PKD2L2: variants seen among roughly 807,000 people sequenced by gnomAD.
PKD2L2 encodes the protein polycystin-2-like protein 2.
A neutral mutation model predicts 83.9 loss-of-function variants in PKD2L2; 67 were observed. That is an observed-to-expected ratio of 0.80 (90% CI 0.66 to 0.98). The LOEUF (loss-of-function observed/expected upper bound fraction) is 0.98, where lower values mean the gene tolerates loss of function less well. PKD2L2 is among the 50% of genes least tolerant of loss of function. PKD2L2 has a pLI of 0.00. For missense variants in PKD2L2, 632 were observed against 717.2 expected (o/e 0.88, Z 1.36); for synonymous variants, 223 against 237.8 (o/e 0.94, Z 0.57).
chr5:137,906,742 G>T (rs550318096), intron 6 of PKD2L2, among the ~76,000 whole-genome samples: 1 of 146,476 alleles, frequency 6.8e-6, no homozygotes, highest in Non-Finnish European at 1.5e-5. Flanking sequence ...TACTTACAGG[G>T]CCTTGAGTTT....
In PKD2L2 at chr5:137,925,937, T is replaced by C; in HGVS notation, c.1671+8T>C. ...GAAGGCTTTGACGAAAATGTAAGAT[T>C]TTAATTTTTTTCATAAACACTAGTG... is the stretch of plus-strand genomic sequence containing the variant. On this transcript the variant is annotated splice_region_variant and intron_variant, in intron 12 of 14. Coordinates refer to ENST00000508883, the MANE Select transcript of PKD2L2 (RefSeq NM_001300921.2). The C allele has an allele frequency of 6.4e-7, 1 of 1,558,108 alleles. No individual in the cohort carries two copies. Among genetic ancestry groups the C allele is most frequent in the Non-Finnish European group, 8.8e-7 (1 of 1,133,630 alleles).
chr5:137,898,236 G>A (rs1362687092), intron 4 of PKD2L2, among the ~76,000 whole-genome samples: 1 of 152,038 alleles, frequency 6.6e-6, no homozygotes, highest in Non-Finnish European at 1.5e-5. Context: ...CAAAGTGCTG[G>A]GATTACAGGC....
chr5:137,936,432 G>A lies in PKD2L2; in HGVS notation c.*17+5G>A, dbSNP rs1561712573. 5.2e-6 allele frequency: 8 copies of A among 1,527,262 alleles called. No individual in the cohort carries two copies. In the Admixed American group the frequency reaches 1.4e-4, roughly 27 times the overall value. 94.6% of individuals were successfully genotyped at this position (1,527,262 alleles called of 1,614,324 possible). A position where few individuals can be genotyped will look rare whatever the true frequency, so the allele number is the denominator to read the frequency against. ...ATAGTATTGAGACAAGTGGAGGTAA[G>A]AATCTGTGATGCAATCATTGAGCAT... On this transcript the variant is annotated splice_donor_5th_base_variant and intron_variant, in intron 14 of 14. Coordinates refer to ENST00000508883, the MANE Select transcript of PKD2L2 (RefSeq NM_001300921.2).
intron 8 of PKD2L2, among the ~76,000 whole-genome samples, chr5:137,915,492 A>G (rs1208872083): frequency 3.9e-3 from 533 of 135,956 alleles, no homozygotes; most frequent in East Asian, 3.9e-3. Context: ...GCACAATCTC[A>G]GCTCACTGCA....
intron 8 of PKD2L2, among the ~76,000 whole-genome samples, chr5:137,918,622 CTAA>C (rs758353593): frequency 2.0e-5 from 3 of 152,176 alleles, no homozygotes; most frequent in East Asian, 1.9e-4. Flanking sequence ...AGCCATGAGG[CTAA>C]TGAGTAGGGG....
At chr5:137,889,853 T>C (rs1376175103) in intron 1 of PKD2L2, 1 of 328,450 alleles carries the variant, frequency 3.0e-6, no homozygotes, top group Non-Finnish European at 5.5e-6. Flanking sequence ...CGAGGTGTTT[T>C]TCCCCTGTCC....
At chr5:137,902,251 G>A (rs1442445458) in intron 5 of PKD2L2, among the ~76,000 whole-genome samples, 1 of 151,960 alleles carries the variant, frequency 6.6e-6, no homozygotes, top group African/African-American at 2.4e-5. Context: ...CTAAAGCAAA[G>A]GGTTGAAGGA....
At position 137,899,622 on chromosome 5, in the gene PKD2L2, A is replaced by G. The variant is rs1483408246; in HGVS notation, c.631A>G (p.Thr211Ala). Reference protein sequence around the residue: ...IFTLSKSKSETKNKFIDLRLN... With the variant: ...IFTLSKSKSEAKNKFIDLRLN... The stretch of plus-strand genomic sequence containing the variant: ...CACTTTATCAAAATCGAAATCTGAA[A>G]CCAAAAACAAGTTCATTGACCTTCG... Residue 211 changes from threonine (T) to alanine (A), a missense_variant, in exon 5 of 15, where the codon ACC becomes GCC. By Grantham distance (58) the Thr-to-Ala change is moderately conservative. This residue lies in a region of PKD2L2 where 229 missense variants were observed against 281.5 expected (regional missense o/e 0.81). Transcript: ENST00000508883. 1.2e-6 allele frequency: 2 copies of G among 1,613,852 alleles called. No individual in the cohort carries two copies. The highest frequency in any genetic ancestry group is 1.1e-5 in the South Asian group (1 of 91,084).
chr5:137,924,854 C>T (rs555774486), intron 10 of PKD2L2, among the ~76,000 whole-genome samples, 186 bp from the exon 11 acceptor site: 32 of 152,252 alleles, frequency 2.1e-4, no homozygotes, highest in South Asian at 1.9e-3. Context: ...TTTGGGTTTT[C>T]ACCAGCAGGC....
At chr5:137,905,342 T>C (rs967244584) in intron 5 of PKD2L2, among the ~76,000 whole-genome samples, 5 of 152,234 alleles carry the variant, frequency 3.3e-5, no homozygotes, top group Admixed American at 2.0e-4. Context: ...TATTAATTTT[T>C]CCTTTTTTGA....
intron 9 of PKD2L2, among the ~76,000 whole-genome samples, chr5:137,922,252 T>C (rs867794465): frequency 1.1e-4 from 17 of 152,178 alleles, no homozygotes; most frequent in African/African-American, 1.7e-4. Context: ...ACACTTTTTG[T>C]CAGGCACGGA....
At chr5:137,939,959 C>T in intron 14 of PKD2L2, 1 of 1,480,044 alleles carries the variant, frequency 6.8e-7, no homozygotes, top group African/African-American at 1.4e-5. Context: ...AAGGATGTAT[C>T]TGTAGTACAA....
Position 137,921,694 on chromosome 5 carries a change from A to T in PKD2L2, c.1387A>T (p.Asn463Tyr), listed in dbSNP as rs184406759. ...DFNFAGIQQA[N>Y]PILGPIYFIT... is the part of the protein sequence containing the mutation. ...TAATTTTGCTGGTATTCAGCAAGCC[A>T]ATCCTATCTTGGGACCCATTTACTT... Residue 463 changes from asparagine (N) to tyrosine (Y), a missense_variant, in exon 9 of 15, where the codon AAT becomes TAT. By Grantham distance (143) the Asn-to-Tyr change is moderately radical (BLOSUM62 -2). Coordinates refer to ENST00000508883, the MANE Select transcript of PKD2L2 (RefSeq NM_001300921.2). The T allele has an allele frequency of 5.0e-6, 8 of 1,608,538 alleles. No individual in the cohort carries two copies. The East Asian group carries it at 1.8e-4, about 36-fold the overall frequency.
rs147860084 is a variant in PKD2L2, at chr5:137,896,499, C to T, written c.524+1890C>T. On this transcript the variant is annotated intron_variant, in intron 4 of 14. Transcript: ENST00000508883. ...AATCATTGTTCACTGCAGCTTCAAA[C>T]TCCTGACTCAGGCAATCCTCCTGCC... 4.5e-3 allele frequency among the ~76,000 whole-genome samples: 688 copies of T among 152,256 alleles called. 5 individuals are homozygous for T. Among genetic ancestry groups the T allele is most frequent in the Non-Finnish European group, 7.3e-3 (496 of 68,018 alleles).
intron 8 of PKD2L2, among the ~76,000 whole-genome samples, chr5:137,911,648 T>C (rs1167352701): frequency 6.6e-6 from 1 of 152,224 alleles, no homozygotes; most frequent in Non-Finnish European, 1.5e-5. Flanking sequence ...TCACCTCTCA[T>C]ATTTATCATT....
At chr5:137,924,430 A>G (rs1759198050) in intron 10 of PKD2L2, among the ~76,000 whole-genome samples, 1 of 68,148 alleles carries the variant, frequency 1.5e-5, no homozygotes, top group Admixed American at 1.7e-4. Flanking sequence ...CTCTCTTGCT[A>G]CCATTCTATT....
chr5:137,900,876 G>A (rs538915194), intron 5 of PKD2L2, among the ~76,000 whole-genome samples: 6 of 152,286 alleles, frequency 3.9e-5, no homozygotes, highest in African/African-American at 7.2e-5. Context: ...GGTGGCTCAC[G>A]CCTATAATCC....
At chr5:137,895,951 C>T (rs1389577157) in intron 4 of PKD2L2, among the ~76,000 whole-genome samples, 4 of 146,798 alleles carry the variant, frequency 2.7e-5, no homozygotes, top group South Asian at 2.2e-4. Flanking sequence ...CCGAGGCGGG[C>T]GGATCACCTG....
intron 8 of PKD2L2, 42 bp from the exon 9 acceptor site, chr5:137,921,594 T>TA (rs1448468960): frequency 7.8e-7 from 1 of 1,281,996 alleles, no homozygotes; most frequent in East Asian, 2.3e-5. Context: ...GTCATGTATG[T>TA]ACATAAAGGT....
Sources: gnomAD v4.1 joint callset for allele counts (sites outside exome capture counted in the v4.1 genomes callset) on GRCh38, gnomAD v4.1.1 for gene constraint, gnomAD v4.1.1 regional missense constraint, MANE v1.5 for transcripts, NCBI Gene and HGNC (gene_info 2026-07-23, HGNC 2026-07-21) for gene names.